The following ABHD18 variants were observed in gnomAD, a reference collection of about 807,000 sequenced individuals.
The protein encoded by ABHD18 is cardiolipin-specific deacylase, mitochondrial.
A neutral mutation model predicts 65.9 loss-of-function variants in ABHD18; 55 were observed. That is an observed-to-expected ratio of 0.84 (90% CI 0.67 to 1.05). ABHD18 has a LOEUF of 1.05. ABHD18 is among the 50% of genes least tolerant of loss of function. The probability of loss-of-function intolerance (pLI) is 0.00; values close to 1 mark genes in which losing one functional copy is unlikely to be tolerated. For synonymous variants in ABHD18, 181 were observed against 180.2 expected, an observed-to-expected ratio of 1.00 and a Z score of -0.04; for missense variants, 533 against 558.5, an observed-to-expected ratio of 0.95 and a Z score of 0.46.
chr4:128,023,756 C>T (rs533552229), intron 10 of ABHD18, among the ~76,000 whole-genome samples: 4 of 152,096 alleles, frequency 2.6e-5, no homozygotes, highest in African/African-American at 7.2e-5. Context: ...GGCAGGCAGG[C>T]GCCTGCAGTC....
chr4:128,035,735 G>A, intron 12 of ABHD18, 27 bp from the exon 13 acceptor site: 3 of 1,423,554 alleles, frequency 2.1e-6, no homozygotes, highest in Admixed American at 2.2e-5. Context: ...TAGTTACTTA[G>A]AGTTTTTCTT....
intron 3 of ABHD18, among the ~76,000 whole-genome samples, chr4:127,985,846 A>AC (rs1329846150): frequency 2.6e-5 from 4 of 152,098 alleles, no homozygotes; most frequent in Non-Finnish European, 4.4e-5. Context: ...TACTAAAAAA[A>AC]AAATACAAAA....
chr4:127,987,713 A>AT (rs1750217422), intron 3 of ABHD18, among the ~76,000 whole-genome samples: 3 of 151,744 alleles, frequency 2.0e-5, no homozygotes, highest in African/African-American at 4.8e-5. Flanking sequence ...ACTCAAAAAA[A>AT]AAAAATAAAT....
chr4:128,002,221 G>A lies in ABHD18; in HGVS notation c.279-6699G>A, dbSNP rs191694600. ...ACCCGGGAGATGGAGGTTGCGGTGA[G>A]CCAAGATCGTGACACTGCACTCCAG... On this transcript the variant is annotated intron_variant, in intron 4 of 12. Coordinates refer to ENST00000645843, the MANE Select transcript of ABHD18 (RefSeq NM_001358451.3). Among the ~76,000 whole-genome samples, 84 of 152,150 alleles carry A rather than the reference G, an allele frequency of 5.5e-4. No individual in the cohort carries two copies. In the East Asian group the frequency reaches 0.014, roughly 25 times the overall value.
Position 128,030,520 on chromosome 4 carries a change from T to C in ABHD18, c.1191T>C (p.Asp397=). 6.4e-7 allele frequency: 1 copy of C among 1,563,574 alleles called. No homozygotes were observed. The highest frequency in any genetic ancestry group is 8.6e-7 in the Non-Finnish European group (1 of 1,164,634). Residue 397 remains aspartate (D), a synonymous_variant, in exon 12 of 13, where the codon GAT becomes GAC. Coordinates refer to ENST00000645843, the MANE Select transcript of ABHD18 (RefSeq NM_001358451.3). The part of the protein sequence containing the change: ...THVANFSVPV[D]PSLIIVVQAK... ...AAATCCTATACCTAGTCCCAGTTGA[T>C]CCAAGCCTCATTATAGTGGTTCAAG...
At chr4:128,022,577 A>G (rs2149171654) in intron 10 of ABHD18, among the ~76,000 whole-genome samples, 1 of 152,180 alleles carries the variant, frequency 6.6e-6, no homozygotes, top group South Asian at 2.1e-4. Flanking sequence ...CTGATATTCT[A>G]TTATTTCTTT....
At position 128,028,464 on chromosome 4, in the gene ABHD18, C is replaced by T; in HGVS notation, c.802-11C>T. 1 of 1,471,892 alleles carries T rather than the reference C, an allele frequency of 6.8e-7. No individual in the cohort carries two copies. The highest frequency in any genetic ancestry group is 1.5e-5 in the South Asian group (1 of 66,898). 91.2% of individuals were successfully genotyped at this position (1,471,892 alleles called of 1,614,324 possible). On this transcript the variant is annotated splice_polypyrimidine_tract_variant and intron_variant, in intron 10 of 12. Coordinates refer to ENST00000645843, the MANE Select transcript of ABHD18 (RefSeq NM_001358451.3). ...TATTAAATAATGTTTTCTTTCCTTT[C>T]ATATGTTCAGACAGATTCTTTCAAA...
At chr4:127,991,304 G>A (rs1394516452) in intron 4 of ABHD18, among the ~76,000 whole-genome samples, 1 of 152,206 alleles carries the variant, frequency 6.6e-6, no homozygotes, top group East Asian at 1.9e-4. Context: ...GGTGCTCACT[G>A]CACCCTCCGC....
chr4:127,969,614 C>T (rs1030617362), intron 1 of ABHD18, among the ~76,000 whole-genome samples: 1 of 152,172 alleles, frequency 6.6e-6, no homozygotes, highest in African/African-American at 2.4e-5. Flanking sequence ...GCTTCCTTTG[C>T]AACTTTCTAA....
intron 10 of ABHD18, among the ~76,000 whole-genome samples, chr4:128,024,803 C>T (rs1757093579): frequency 6.6e-6 from 1 of 152,136 alleles, no homozygotes. Context: ...AGCGATTCTC[C>T]TGCCTCAGCC....
At chr4:127,992,494 A>T (rs1751085981) in intron 4 of ABHD18, among the ~76,000 whole-genome samples, 2 of 151,960 alleles carry the variant, frequency 1.3e-5, no homozygotes, top group Non-Finnish European at 2.9e-5. Flanking sequence ...AAGGAATGAA[A>T]ATAGTGTGCG....
At chr4:128,006,572 T>C (rs537875383) in intron 4 of ABHD18, among the ~76,000 whole-genome samples, 16 of 152,314 alleles carry the variant, frequency 1.1e-4, no homozygotes, top group African/African-American at 3.8e-4. Flanking sequence ...CAGCTCAGAA[T>C]TGAGGTTTTA....
chr4:128,029,860 T>C (rs748407303), intron 11 of ABHD18, among the ~76,000 whole-genome samples: 4 of 151,708 alleles, frequency 2.6e-5, no homozygotes, highest in African/African-American at 7.3e-5. Flanking sequence ...TGGTGGCATA[T>C]GCTTATAGTC....
At chr4:128,004,547 T>C (rs1262900911) in intron 4 of ABHD18, among the ~76,000 whole-genome samples, 1 of 152,242 alleles carries the variant, frequency 6.6e-6, no homozygotes, top group Non-Finnish European at 1.5e-5. Context: ...AGCTCTTCAA[T>C]GGAAAAACTT....
intron 1 of ABHD18, among the ~76,000 whole-genome samples, chr4:127,981,924 A>T (rs975687168): frequency 9.9e-5 from 15 of 152,160 alleles, no homozygotes; most frequent in Admixed American, 9.8e-4. Flanking sequence ...GAATTATGAG[A>T]GGCAGTATGA....
At chr4:127,969,878 C>A (rs1033865241) in intron 1 of ABHD18, among the ~76,000 whole-genome samples, 1 of 151,878 alleles carries the variant, frequency 6.6e-6, no homozygotes, top group Non-Finnish European at 1.5e-5. Flanking sequence ...TACTGAGTAG[C>A]TGGGACTACA....
rs749018442 is a variant in ABHD18, at chr4:128,020,139, T to G, written c.669T>G (p.Ser223=). Residue 223 remains serine, a synonymous_variant, in exon 9 of 13, where the codon TCT becomes TCG. Transcript: ENST00000645843. ...PKPMPLIPCL[S]WSTASGVFTT... is the part of the protein sequence containing the mutation. ...CCATGCCATTGATTCCATGCCTGTC[T>G]TGGTCCACAGCATCTGGGGTCTTCA... The G allele has an allele frequency of 1.9e-6, 3 of 1,613,534 alleles. No homozygotes were observed. The African/African-American group carries it at 4.0e-5, about 22-fold the overall frequency.
chr4:128,016,603 C>T (rs1450555251), intron 7 of ABHD18, among the ~76,000 whole-genome samples: 2 of 151,194 alleles, frequency 1.3e-5, no homozygotes, highest in South Asian at 2.1e-4. Flanking sequence ...GGTGAAACCC[C>T]GTCTCTGCTA....
chr4:127,990,308 A>C (rs1193492036), intron 4 of ABHD18, among the ~76,000 whole-genome samples: 3 of 152,174 alleles, frequency 2.0e-5, no homozygotes, highest in Admixed American at 2.0e-4. Context: ...TATGCCTGTA[A>C]TTCCAGTACT....
Sources: gnomAD v4.1 joint callset for allele counts (sites outside exome capture counted in the v4.1 genomes callset) on GRCh38, gnomAD v4.1.1 for gene constraint, MANE v1.5 for transcripts, NCBI Gene and HGNC (gene_info 2026-07-23, HGNC 2026-07-21) for gene names.